The following DACH1 variants were observed in gnomAD, a reference collection of about 807,000 sequenced individuals.
The protein encoded by DACH1 is dachshund family transcription factor 1, also known as dachshund homolog 1.
A neutral mutation model predicts 54.2 loss-of-function variants in DACH1; 12 were observed. That is an observed-to-expected ratio of 0.22 (90% CI 0.14 to 0.36). The LOEUF is 0.36. DACH1 is among the 10% of genes least tolerant of loss of function. DACH1 has a pLI of 1.00. For synonymous variants in DACH1, 386 were observed against 366.2 expected, an observed-to-expected ratio of 1.05 and a Z score of -0.62; for missense variants, 805 against 929.8, an observed-to-expected ratio of 0.87 and a Z score of 1.75.
chr13:71,528,560 TG>T (rs1447916651), intron 6 of DACH1, among the ~76,000 whole-genome samples: 1 of 151,372 alleles, frequency 6.6e-6, no homozygotes, highest in Non-Finnish European at 1.5e-5. Context: ...CCCGAGTAGC[TG>T]GGACTACAGG....
intron 4 of DACH1, among the ~76,000 whole-genome samples, chr13:71,567,670 G>A (rs541940358): frequency 6.6e-6 from 1 of 152,060 alleles, no homozygotes; most frequent in East Asian, 1.9e-4. Context: ...ACCTAATGGG[G>A]TAGTGCTGTT....
intron 1 of DACH1, among the ~76,000 whole-genome samples, chr13:71,718,411 C>T (rs931718226): frequency 1.3e-5 from 2 of 151,822 alleles, no homozygotes; most frequent in African/African-American, 4.8e-5. Context: ...ATAGCGAGAC[C>T]TCATTTCCAC....
At chr13:71,490,790 T>C (rs1394134295) in intron 6 of DACH1, among the ~76,000 whole-genome samples, 2 of 152,162 alleles carry the variant, frequency 1.3e-5, no homozygotes, top group African/African-American at 4.8e-5. Flanking sequence ...GTTAAACATA[T>C]ATGTGCATGT....
chr13:71,862,964 C>T (rs1874454067), intron 1 of DACH1, among the ~76,000 whole-genome samples: 2 of 152,018 alleles, frequency 1.3e-5, no homozygotes. Context: ...AGTTTCCCTT[C>T]TTGCTCAGCT....
intron 1 of DACH1, among the ~76,000 whole-genome samples, chr13:71,806,231 G>T (rs2138138540): frequency 6.6e-6 from 1 of 152,206 alleles, no homozygotes; most frequent in African/African-American, 2.4e-5. Flanking sequence ...GGCTATTTGA[G>T]GAAATGTCGT....
At position 71,747,788 on chromosome 13, in the gene DACH1, T is replaced by G. The variant is rs192641510; in HGVS notation, c.849-65878A>C. On this transcript the variant is annotated intron_variant, in intron 1 of 10. Coordinates refer to ENST00000613252, the MANE Select transcript of DACH1 (RefSeq NM_080759.6). ...CAAGGAAATCTGAGTTCTGCCATCC[T>G]AGCCTCCTTTCTCTGGGAATTTTTA... Among the ~76,000 whole-genome samples, 22 of 152,292 alleles carry G rather than the reference T, an allele frequency of 1.4e-4. No homozygotes were observed. The East Asian group carries it at 4.3e-3, about 29-fold the overall frequency.
At chr13:71,645,925 A>G (rs1878232610) in intron 2 of DACH1, among the ~76,000 whole-genome samples, 1 of 152,204 alleles carries the variant, frequency 6.6e-6, no homozygotes, top group Non-Finnish European at 1.5e-5. Flanking sequence ...AAACTTGAGA[A>G]ATTTCAAGTT....
intron 6 of DACH1, among the ~76,000 whole-genome samples, chr13:71,496,384 C>A (rs1200595565): frequency 7.1e-6 from 1 of 141,444 alleles, no homozygotes; most frequent in African/African-American, 2.7e-5. Context: ...TACTATTCAG[C>A]CATAAATAAG....
chr13:71,442,563 T>C (rs1874100335), intron 10 of DACH1, among the ~76,000 whole-genome samples: 2 of 152,130 alleles, frequency 1.3e-5, no homozygotes, highest in Admixed American at 1.3e-4. Flanking sequence ...ATTTTGCTCA[T>C]TGAGTATACA....
intron 1 of DACH1, among the ~76,000 whole-genome samples, chr13:71,683,873 C>T (rs1298723683): frequency 1.3e-5 from 2 of 151,996 alleles, no homozygotes; most frequent in Admixed American, 6.6e-5. Flanking sequence ...CAGATGAATG[C>T]TTATGTGCTG....
At chr13:71,650,577 C>T (rs1209261189) in intron 2 of DACH1, among the ~76,000 whole-genome samples, 1 of 151,928 alleles carries the variant, frequency 6.6e-6, no homozygotes, top group Non-Finnish European at 1.5e-5. Context: ...TAAATAGACC[C>T]ATTTAAGCAG....
At chr13:71,552,852 G>T (rs1312949098) in intron 6 of DACH1, among the ~76,000 whole-genome samples, 4 of 109,768 alleles carry the variant, frequency 3.6e-5, no homozygotes, top group Non-Finnish European at 5.5e-5. Context: ...TAGAGAGAGA[G>T]AGAGAGAGAG....
chr13:71,700,565 CAAAAAAAAA>C (rs1211164206), intron 1 of DACH1, among the ~76,000 whole-genome samples: 1 of 58,754 alleles, frequency 1.7e-5, no homozygotes, highest in Non-Finnish European at 3.0e-5. Flanking sequence ...GACTCCATCT[CAAAAAAAAA>C]AAAAAAAAAA....
chr13:71,601,011 T>A (rs1189040397), intron 3 of DACH1, among the ~76,000 whole-genome samples: 1 of 151,786 alleles, frequency 6.6e-6, no homozygotes, highest in African/African-American at 2.4e-5. Flanking sequence ...CAATTCAGGT[T>A]CCATAATTCC....
At chr13:71,627,961 A>C (rs1371320068) in intron 3 of DACH1, among the ~76,000 whole-genome samples, 1 of 152,090 alleles carries the variant, frequency 6.6e-6, no homozygotes, top group East Asian at 1.9e-4. Context: ...AGCAATCCCC[A>C]ATCTACCAAC....
intron 1 of DACH1, among the ~76,000 whole-genome samples, chr13:71,789,236 A>G (rs994612285): frequency 3.6e-4 from 55 of 152,252 alleles, no homozygotes; most frequent in African/African-American, 1.3e-3. Context: ...ATTTAGGAAG[A>G]AACTAGAAGA....
chr13:71,692,671 C>T (rs1881577237), intron 1 of DACH1, among the ~76,000 whole-genome samples: 1 of 151,520 alleles, frequency 6.6e-6, no homozygotes, highest in Non-Finnish European at 1.5e-5. Context: ...TACAGGCGTG[C>T]ACCACCATGC....
intron 3 of DACH1, among the ~76,000 whole-genome samples, chr13:71,598,549 G>A (rs752659373): frequency 5.3e-5 from 8 of 152,084 alleles, no homozygotes; most frequent in Admixed American, 1.3e-4. Flanking sequence ...CACTGCGCCC[G>A]GCCTGACGCT....
chr13:71,657,493 C>G (rs938784306), intron 2 of DACH1, among the ~76,000 whole-genome samples: 1 of 151,340 alleles, frequency 6.6e-6, no homozygotes, highest in African/African-American at 2.4e-5. Context: ...AGACTGAGAC[C>G]CTGTCTCAAG....
Sources: gnomAD v4.1 joint callset for allele counts (sites outside exome capture counted in the v4.1 genomes callset) on GRCh38, gnomAD v4.1.1 for gene constraint, MANE v1.5 for transcripts, NCBI Gene and HGNC (gene_info 2026-07-23, HGNC 2026-07-21) for gene names.